DMD: variants seen among roughly 807,000 people sequenced by gnomAD.
DMD encodes mutant dystrophin.
In DMD, 63 loss-of-function variants were observed where a neutral mutation model predicts 330.1. That is an observed-to-expected ratio of 0.19 (90% CI 0.16 to 0.24). The LOEUF (loss-of-function observed/expected upper bound fraction) is 0.24. Among genes scored for constraint, DMD ranks in the 10% least tolerant of loss-of-function variants. The pLI is 1.00. For synonymous variants in DMD, 1,223 were observed against 959.8 expected (o/e 1.27, Z -5.07); for missense variants, 3,344 against 2,684.1 (o/e 1.25, Z -5.43).
chrX:32,816,752 A>C, intron 5 of DMD, 112 bp from the exon 6 acceptor site: 1 of 702,295 alleles, frequency 1.4e-6, no homozygotes, highest in Admixed American at 2.5e-5. Flanking sequence ...TTTAGGGCCA[A>C]TTAGTAATGA....
intron 74 of DMD, among the ~76,000 whole-genome samples, chrX:31,151,346 C>T (rs369851527): frequency 3.0e-4 from 34 of 112,441 alleles, no homozygotes; most frequent in African/African-American, 1.0e-3. Context: ...TCAAATTTTT[C>T]TTTCTACCAG....
chrX:31,500,530 G>A (rs961758697), intron 56 of DMD, among the ~76,000 whole-genome samples: 7 of 112,312 alleles, frequency 6.2e-5, no homozygotes, highest in African/African-American at 1.9e-4. Context: ...CCCGTGAAAT[G>A]TTTTCAAGTC....
At chrX:32,476,111 C>T (rs746707193) in intron 21 of DMD, among the ~76,000 whole-genome samples, 5 of 111,000 alleles carry the variant, frequency 4.5e-5, no homozygotes, top group Middle Eastern at 4.6e-3. Context: ...AGACACATGG[C>T]GGTATGTTGG....
intron 17 of DMD, among the ~76,000 whole-genome samples, chrX:32,524,309 G>GGAGTCTTGCTCT (rs1481666785): frequency 9.0e-6 from 1 of 111,708 alleles, no homozygotes; most frequent in African/African-American, 3.3e-5. Flanking sequence ...CTTTTAAAAC[G>GGAGTCTTGCTCT]GTCAAATGTC....
At chrX:33,114,011 A>C (rs2095361876) in intron 1 of DMD, among the ~76,000 whole-genome samples, 1 of 111,440 alleles carries the variant, frequency 9.0e-6, no homozygotes, top group Non-Finnish European at 1.9e-5. Flanking sequence ...TAACCAAGAC[A>C]AAAAATACTT....
chrX:32,155,665 G>A (rs985790347), intron 44 of DMD, among the ~76,000 whole-genome samples: 12 of 111,400 alleles, frequency 1.1e-4, no homozygotes, highest in African/African-American at 3.9e-4. Context: ...AAAAGATAGG[G>A]CCTTTTTCTT....
chrX:31,214,930 C>CTTTTTTTTTTTTTTT (rs1302015325), intron 64 of DMD, among the ~76,000 whole-genome samples: 6 of 46,128 alleles, frequency 1.3e-4, no homozygotes, highest in African/African-American at 2.5e-4. Context: ...TTTTTTATTT[C>CTTTTTTTTTTTTTTT]TTTTTTCTTT....
intron 44 of DMD, among the ~76,000 whole-genome samples, chrX:32,191,345 C>T (rs2096974589): frequency 8.9e-6 from 1 of 112,088 alleles, no homozygotes; most frequent in African/African-American, 3.2e-5. Flanking sequence ...ACCTAGATGA[C>T]ACAGCGTCGA....
chrX:32,092,761 G>C, intron 44 of DMD, among the ~76,000 whole-genome samples: 1 of 50,647 alleles, frequency 2.0e-5, no homozygotes, highest in South Asian at 1.0e-3. Flanking sequence ...TTTTTTTATA[G>C]AAACACAGGA....
intron 53 of DMD, among the ~76,000 whole-genome samples, chrX:31,670,867 A>C (rs1452397263): frequency 9.1e-6 from 1 of 109,373 alleles, no homozygotes; most frequent in Admixed American, 9.7e-5. Flanking sequence ...TCAGGCTTTT[A>C]GTATGTCTTT....
chrX:33,160,443 T>G (rs2048716445), intron 1 of DMD, among the ~76,000 whole-genome samples: 1 of 111,832 alleles, frequency 8.9e-6, no homozygotes, highest in African/African-American at 3.2e-5. Flanking sequence ...GTGTCTTGGA[T>G]GCCTTTACAA....
At chrX:32,035,580 C>T in intron 44 of DMD, 2 of 305,260 alleles carry the variant, frequency 6.6e-6, no homozygotes, top group South Asian at 6.0e-5. Flanking sequence ...GAAATACAGG[C>T]TTCTAAAAAA....
At chrX:32,310,773 G>A (rs1367250660) in intron 41 of DMD, among the ~76,000 whole-genome samples, 2 of 110,785 alleles carry the variant, frequency 1.8e-5, no homozygotes, top group Non-Finnish European at 3.8e-5. Flanking sequence ...AGGCTGGTAT[G>A]TAACTTTGTA....
At chrX:31,544,173 A>C (rs1238907842) in intron 55 of DMD, among the ~76,000 whole-genome samples, 1 of 110,404 alleles carries the variant, frequency 9.1e-6, no homozygotes, top group Non-Finnish European at 1.9e-5. Flanking sequence ...AGATACAAAA[A>C]ATTTGCCAGG....
chrX:31,416,742 T>G, intron 60 of DMD, among the ~76,000 whole-genome samples: 1 of 112,091 alleles, frequency 8.9e-6, no homozygotes, highest in East Asian at 2.8e-4. Context: ...CAAACACATC[T>G]GTGGTTCTCC....
chrX:31,762,219 T>A, intron 51 of DMD, among the ~76,000 whole-genome samples: 1 of 111,857 alleles, frequency 8.9e-6, no homozygotes, highest in East Asian at 2.8e-4. Context: ...TTTCCCTTCT[T>A]CCATTTTAAA....
chrX:32,486,964 C>A (rs1321088287), intron 20 of DMD, among the ~76,000 whole-genome samples: 4 of 110,438 alleles, frequency 3.6e-5, no homozygotes, highest in Admixed American at 1.9e-4. Context: ...GTCCAAAACA[C>A]CAAAAGCAAT....
chrX:32,397,709 A>C (rs1008975269), intron 30 of DMD, among the ~76,000 whole-genome samples: 6 of 111,576 alleles, frequency 5.4e-5, no homozygotes, highest in African/African-American at 1.9e-4. Flanking sequence ...TTTTAAATAT[A>C]GGACTTTACA....
intron 49 of DMD, among the ~76,000 whole-genome samples, chrX:31,830,062 G>A (rs1006753948): frequency 8.9e-6 from 1 of 112,170 alleles, no homozygotes; most frequent in African/African-American, 3.2e-5. Context: ...CCACAATGTT[G>A]TATATTAGCC....
Sources: allele counts gnomAD v4.1 joint callset (sites outside exome capture counted in the v4.1 genomes callset), GRCh38; gene constraint gnomAD v4.1.1; transcripts MANE v1.5; gene names NCBI Gene and HGNC (gene_info 2026-07-23, HGNC 2026-07-21).